Variants in NRXN1 observed in about 807,000 individuals in gnomAD.
The protein encoded by NRXN1 is neurexin 1.
Under a neutral mutation model 150.9 loss-of-function variants are expected in NRXN1, and 39 were observed. That is an observed-to-expected ratio of 0.26 (90% CI 0.20 to 0.34). The LOEUF is 0.34. Ranked by LOEUF, NRXN1 falls within the 10% of genes least tolerant of loss-of-function variation. The pLI is 1.00. For synonymous variants in NRXN1, 924 were observed against 757.0 expected (o/e 1.22, Z -3.62); for missense variants, 1,815 against 1,949.9 (o/e 0.93, Z 1.30).
At chr2:50,306,421 T>C (rs2074614164) in intron 17 of NRXN1, among the ~76,000 whole-genome samples, 1 of 152,206 alleles carries the variant, frequency 6.6e-6, no homozygotes, top group Admixed American at 6.5e-5. Flanking sequence ...ACACTGAGCC[T>C]TTTGTCTTTA....
intron 5 of NRXN1, among the ~76,000 whole-genome samples, chr2:50,730,702 T>C (rs1697991370): frequency 7.2e-6 from 1 of 138,100 alleles, no homozygotes; most frequent in Admixed American, 8.1e-5. Flanking sequence ...AGACGGAGTC[T>C]TGCTCTGTCG....
intron 2 of NRXN1, among the ~76,000 whole-genome samples, chr2:50,983,147 G>C (rs1697114653): frequency 6.6e-6 from 1 of 151,880 alleles, no homozygotes; most frequent in African/African-American, 2.4e-5. Flanking sequence ...TATTAGTCTA[G>C]ATATAGTATA....
At position 50,299,410 on chromosome 2, in the gene NRXN1, A is replaced by AT. The variant is rs34923830; in HGVS notation, c.3365-62441dup. ...AGTGCTATATCCTGGTCATTGTCCA[A>AT]TTTTTTTTTTTTTTTAAAACTGACT... On this transcript the variant is annotated intron_variant, in intron 17 of 22. Coordinates refer to ENST00000401669, the MANE Select transcript of NRXN1 (RefSeq NM_001330078.2). 1.1e-3 allele frequency among the ~76,000 whole-genome samples: 152 copies of AT among 134,642 alleles called. 1 individual carries two copies. The highest frequency in any genetic ancestry group is 1.3e-3 in the South Asian group (5 of 3,932). The allele number at this position is 134,642 out of a possible 152,430, so 88.3% of individuals were successfully genotyped here.
At chr2:50,473,594 G>C (rs1469985549) in intron 15 of NRXN1, among the ~76,000 whole-genome samples, 2 of 151,804 alleles carry the variant, frequency 1.3e-5, no homozygotes, top group African/African-American at 4.8e-5. Flanking sequence ...ATTTTCATTT[G>C]AACTTTCTTT....
In NRXN1 at chr2:50,510,979, A is replaced by G. The variant is rs929263689; in HGVS notation, c.2375-4362T>C. On this transcript the variant is annotated intron_variant, in intron 12 of 22. Transcript: ENST00000401669. Reference sequence around the variant, plus strand: ...CTACAAATAAGAAACATGAAGTGCAAAGACATTAGATGACGTCCCCATTGT... The same window carrying G: ...CTACAAATAAGAAACATGAAGTGCAGAGACATTAGATGACGTCCCCATTGT... 2.6e-5 allele frequency among the ~76,000 whole-genome samples: 4 copies of G among 152,328 alleles called. No individual in the cohort carries two copies. In the South Asian group the frequency reaches 6.2e-4, roughly 24 times the overall value.
chr2:50,719,200 A>G (rs909233030), intron 5 of NRXN1, among the ~76,000 whole-genome samples: 2 of 151,736 alleles, frequency 1.3e-5, no homozygotes, highest in Non-Finnish European at 2.9e-5. Context: ...TCATCCCTCA[A>G]CTATTATTAT....
intron 5 of NRXN1, among the ~76,000 whole-genome samples, chr2:50,728,716 T>C (rs1028030699): frequency 4.4e-4 from 67 of 152,272 alleles, no homozygotes; most frequent in African/African-American, 1.6e-3. Context: ...GCTGAGCACT[T>C]GCATCATTGT....
At chr2:50,917,998 T>A (rs1028394144) in intron 5 of NRXN1, 1 of 151,698 alleles carries the variant, frequency 6.6e-6, no homozygotes, top group Non-Finnish European at 1.5e-5. Context: ...TAATATTAGA[T>A]ATTACTCATC....
intron 2 of NRXN1, among the ~76,000 whole-genome samples, chr2:51,002,300 T>A (rs555703099): frequency 6.6e-6 from 1 of 152,090 alleles, no homozygotes; most frequent in African/African-American, 2.4e-5. Context: ...TCTGACACAA[T>A]ACACTAAAAA....
chr2:50,241,006 G>A (rs1373214926), intron 17 of NRXN1, among the ~76,000 whole-genome samples: 1 of 151,536 alleles, frequency 6.6e-6, no homozygotes, highest in Non-Finnish European at 1.5e-5. Flanking sequence ...TTTCAAAAAT[G>A]ACATTCCTAC....
intron 5 of NRXN1, among the ~76,000 whole-genome samples, chr2:50,730,644 C>T (rs1164651904): frequency 3.3e-5 from 5 of 149,460 alleles, no homozygotes; most frequent in African/African-American, 1.2e-4. Flanking sequence ...ACTTTGACTA[C>T]AAAATCTTCC....
chr2:50,358,629 G>A (rs1040737143), intron 17 of NRXN1, among the ~76,000 whole-genome samples: 1 of 152,218 alleles, frequency 6.6e-6, no homozygotes, highest in South Asian at 2.1e-4. Flanking sequence ...AGAACACATG[G>A]GGGAAGGAGC....
chr2:50,463,261 A>G (rs1198971211), intron 17 of NRXN1, among the ~76,000 whole-genome samples: 1 of 151,844 alleles, frequency 6.6e-6, no homozygotes, highest in Non-Finnish European at 1.5e-5. Flanking sequence ...TTGCTTATTA[A>G]TTCCACGTCT....
Position 50,024,664 on chromosome 2 carries a change from G to A in NRXN1, c.4128+28607C>T, listed in dbSNP as rs547324887. On this transcript the variant is annotated intron_variant, in intron 21 of 22. Transcript: ENST00000401669. Reference sequence around the variant, plus strand: ...AAGTCTGGCTCTTTTGCCCAGGCTGGAGTGCAATGGTCCGATCTCGGCTCG... The same window carrying A: ...AAGTCTGGCTCTTTTGCCCAGGCTGAAGTGCAATGGTCCGATCTCGGCTCG... 1.1e-4 allele frequency among the ~76,000 whole-genome samples: 17 copies of A among 152,064 alleles called. 1 individual carries two copies. The South Asian group carries it at 3.3e-3, about 30-fold the overall frequency.
At chr2:50,748,106 C>T (rs553641513) in intron 5 of NRXN1, among the ~76,000 whole-genome samples, 31 of 152,144 alleles carry the variant, frequency 2.0e-4, no homozygotes, top group African/African-American at 4.3e-4. Flanking sequence ...CACGTATAGA[C>T]GAAGAAACAG....
chr2:50,937,013 C>T (rs561142300), intron 2 of NRXN1, among the ~76,000 whole-genome samples: 1 of 152,040 alleles, frequency 6.6e-6, no homozygotes. Flanking sequence ...AGGTGCCTCT[C>T]GTTACGAGAC....
chr2:50,991,648 T>C (rs562901402), intron 2 of NRXN1, among the ~76,000 whole-genome samples: 1 of 151,964 alleles, frequency 6.6e-6, no homozygotes, highest in Non-Finnish European at 1.5e-5. Flanking sequence ...GCCTTTGCAC[T>C]TGAAGGAGAA....
At chr2:49,965,339 T>G (rs575015832) in intron 21 of NRXN1, among the ~76,000 whole-genome samples, 1 of 152,126 alleles carries the variant, frequency 6.6e-6, no homozygotes, top group East Asian at 1.9e-4. Flanking sequence ...CCATCTCGGC[T>G]CACTGCAACC....
At position 50,445,902 on chromosome 2, in the gene NRXN1, C is replaced by T. The variant is rs886926434; in HGVS notation, c.3364+19540G>A. Among the ~76,000 whole-genome samples the T allele has an allele frequency of 1.1e-4, 17 of 152,112 alleles. 1 individual carries two copies. Among genetic ancestry groups the T allele is most frequent in the African/African-American group, 3.9e-4 (16 of 41,420 alleles). On this transcript the variant is annotated intron_variant, in intron 17 of 22. Coordinates refer to ENST00000401669, the MANE Select transcript of NRXN1 (RefSeq NM_001330078.2). ...CTTTGTCCATTCCTCCTCTCCATTG[C>T]TTTTCTAAAAGATAGGTCCTGAAAC... is the stretch of plus-strand genomic sequence containing the variant.
Sources: allele counts gnomAD v4.1 joint callset (sites outside exome capture counted in the v4.1 genomes callset), GRCh38; gene constraint gnomAD v4.1.1; transcripts MANE v1.5; gene names NCBI Gene and HGNC (gene_info 2026-07-23, HGNC 2026-07-21).